CEP162: variants seen among roughly 807,000 people sequenced by gnomAD.
CEP162 encodes centrosomal protein 162.
A neutral mutation model predicts 169.2 loss-of-function variants in CEP162; 141 were observed. The observed-to-expected ratio is 0.83, with a 90% confidence interval of 0.73 to 0.96. The LOEUF is 0.96. CEP162 is among the 40% of genes least tolerant of loss of function. The pLI is 0.00. For synonymous variants in CEP162, 540 were observed against 526.4 expected (o/e 1.03, Z -0.35); for missense variants, 1,600 against 1,587.2 (o/e 1.01, Z -0.14).
chr6:84,163,326 G>A (rs1449004507), intron 18 of CEP162, 56 bp from the exon 19 acceptor site: 68 of 1,314,354 alleles, frequency 5.2e-5, no homozygotes, highest in Non-Finnish European at 6.4e-5. Context: ...ATAAATTGTG[G>A]TATAGTCTTT....
intron 6 of CEP162, among the ~76,000 whole-genome samples, chr6:84,205,151 AG>A (rs1432907823): frequency 1.3e-5 from 2 of 152,328 alleles, no homozygotes; most frequent in East Asian, 3.9e-4. Flanking sequence ...AGGTACAAAG[AG>A]GAGCTGGTAC....
chr6:84,180,941 G>T (rs1262718055), intron 13 of CEP162, among the ~76,000 whole-genome samples: 1 of 151,954 alleles, frequency 6.6e-6, no homozygotes, highest in Non-Finnish European at 1.5e-5. Context: ...TATAGATTCA[G>T]TGCCATCCCC....
chr6:84,153,921 C>A (rs1437676414), intron 22 of CEP162, among the ~76,000 whole-genome samples: 1 of 152,134 alleles, frequency 6.6e-6, no homozygotes, highest in Non-Finnish European at 1.5e-5. Flanking sequence ...GGAGGCGACG[C>A]TGCCCTAAGT....
At chr6:84,154,358 G>GTCTATCTA (rs775154991) in intron 22 of CEP162, among the ~76,000 whole-genome samples, 3 of 149,676 alleles carry the variant, frequency 2.0e-5, no homozygotes, top group Non-Finnish European at 4.4e-5. Context: ...CTGTCTGTCT[G>GTCTATCTA]TCTATCTATC....
chr6:84,155,447 C>A lies in CEP162; in HGVS notation c.2845G>T (p.Ala949Ser), dbSNP rs761295473. 1.9e-6 allele frequency: 3 copies of A among 1,612,930 alleles called. No homozygotes were observed. The highest frequency in any genetic ancestry group is 3.3e-5 in the Admixed American group (2 of 60,000). ...ACTGTATCACCAGCTGCTGATGCAG[C>A]CAATATTAAAGCAGGTAAAGAATTG... ...YPNSLPALILAASAAGDTVDK... is the reference protein window; with the variant it reads ...YPNSLPALILSASAAGDTVDK... The change falls in exon 22 of 27, where the codon GCT (alanine) becomes TCT (serine). Residue 949 changes from alanine to serine, a missense_variant. Coordinates refer to ENST00000403245, the MANE Select transcript of CEP162 (RefSeq NM_014895.4).
chr6:84,148,156 T>C lies in CEP162; in HGVS notation c.3772-1371A>G, dbSNP rs557216619. Among the ~76,000 whole-genome samples the C allele has an allele frequency of 5.1e-4, 77 of 152,272 alleles. 3 individuals are homozygous for C. In the South Asian group the frequency reaches 0.014, roughly 27 times the overall value. ...GAGGTTCTCTGTAAGGCTGTATGGA[T>C]TGTTACTTACGAAAGGCACTTTAAG... On this transcript the variant is annotated intron_variant, in intron 24 of 26. Transcript: ENST00000403245.
intron 13 of CEP162, among the ~76,000 whole-genome samples, chr6:84,183,155 T>C (rs1293824363): frequency 6.6e-6 from 1 of 152,028 alleles, no homozygotes; most frequent in African/African-American, 2.4e-5. Flanking sequence ...AATAATGTGT[T>C]TTTTTTTATT....
intron 24 of CEP162, among the ~76,000 whole-genome samples, chr6:84,149,136 A>C (rs1429341519): frequency 2.6e-5 from 4 of 151,946 alleles, no homozygotes; most frequent in Non-Finnish European, 5.9e-5. Context: ...CTGAATCATT[A>C]TTTGTTAATA....
intron 7 of CEP162, among the ~76,000 whole-genome samples, chr6:84,202,805 T>G (rs1273196687): frequency 2.0e-5 from 3 of 152,148 alleles, no homozygotes; most frequent in Non-Finnish European, 1.5e-5. Flanking sequence ...TAAATCTCAT[T>G]AAATTTCTAA....
chr6:84,186,221 T>C (rs1434167153), intron 12 of CEP162, 111 bp downstream of exon 12: 1 of 631,432 alleles, frequency 1.6e-6, no homozygotes, highest in Non-Finnish European at 2.8e-6. Flanking sequence ...TGGAGGTTAG[T>C]ATATAATCAA....
intron 9 of CEP162, among the ~76,000 whole-genome samples, chr6:84,197,825 C>CGA (rs2099542791): frequency 1.6e-5 from 1 of 64,186 alleles, no homozygotes; most frequent in African/African-American, 4.3e-5. Flanking sequence ...TCAAACAAAA[C>CGA]AAAAAAAAAA....
intron 11 of CEP162, among the ~76,000 whole-genome samples, chr6:84,190,773 C>T (rs1028581203): frequency 6.6e-6 from 1 of 152,240 alleles, no homozygotes; most frequent in Non-Finnish European, 1.5e-5. Flanking sequence ...CGGCTTCATT[C>T]TAGAAGTCAG....
intron 9 of CEP162, among the ~76,000 whole-genome samples, chr6:84,198,952 A>T (rs2099543308): frequency 6.6e-6 from 1 of 152,204 alleles, no homozygotes; most frequent in African/African-American, 2.4e-5. Flanking sequence ...TAACTGTAAT[A>T]ATCTGAAGAC....
chr6:84,168,798 T>TA (rs1188609708), intron 18 of CEP162, among the ~76,000 whole-genome samples: 1 of 152,166 alleles, frequency 6.6e-6, no homozygotes, highest in Non-Finnish European at 1.5e-5. Flanking sequence ...TTAATAAACA[T>TA]AAAAAAGTTA....
At chr6:84,186,830 T>TTAATTTTATAATTAAAATTATTATAA (rs1341816742) in intron 11 of CEP162, among the ~76,000 whole-genome samples, 10 of 152,208 alleles carry the variant, frequency 6.6e-5, no homozygotes, top group Non-Finnish European at 1.2e-4. Context: ...GATAATAATT[T>TTAATTTTATAATTAAAATTATTATAA]TAATGCAGTA....
At chr6:84,209,885 T>A (rs2099548772) in intron 6 of CEP162, among the ~76,000 whole-genome samples, 1 of 152,156 alleles carries the variant, frequency 6.6e-6, no homozygotes. Flanking sequence ...ATAAAGTACG[T>A]CTGAAGTAAG....
In CEP162 at chr6:84,161,885, AT is replaced by A; in HGVS notation, c.2536del (p.Ile846PhefsTer2). The A allele has an allele frequency of 6.4e-7, 1 of 1,552,466 alleles. No homozygotes were observed. The highest frequency in any genetic ancestry group is 1.9e-5 in the Admixed American group (1 of 53,974). ...TTCTTGTTTATGTGTTTCTTCTAAAATTTTTATTTCATATAATTTCTCACCT... is the reference window on the plus strand; with the variant it reads ...TTCTTGTTTATGTGTTTCTTCTAAAATTTTATTTCATATAATTTCTCACCT... ...VTGEKLYEIK[I>X]LEETHKQEIS... On this transcript the variant is annotated frameshift_variant, in exon 20 of 27. Coordinates refer to ENST00000403245, the MANE Select transcript of CEP162 (RefSeq NM_014895.4). LOFTEE classifies it high-confidence loss of function.
At chr6:84,159,234 T>C (rs974694803) in intron 21 of CEP162, among the ~76,000 whole-genome samples, 1 of 151,406 alleles carries the variant, frequency 6.6e-6, no homozygotes, top group Non-Finnish European at 1.5e-5. Flanking sequence ...TATAGATAAC[T>C]ATTTTAGAAA....
chr6:84,192,221 A>G (rs1212853490), intron 11 of CEP162, among the ~76,000 whole-genome samples: 1 of 152,258 alleles, frequency 6.6e-6, no homozygotes, highest in African/African-American at 2.4e-5. Context: ...AAAAATTTTT[A>G]GGTATGTGTA....
Sources: gnomAD v4.1 joint callset for allele counts (sites outside exome capture counted in the v4.1 genomes callset) on GRCh38, gnomAD v4.1.1 for gene constraint, MANE v1.5 for transcripts, NCBI Gene and HGNC (gene_info 2026-07-23, HGNC 2026-07-21) for gene names.